MCF2L: variants seen among roughly 807,000 people sequenced by gnomAD.
MCF2L encodes the protein MCF.2 cell line derived transforming sequence like, also known as guanine nucleotide exchange factor DBS.
A neutral mutation model predicts 153.4 loss-of-function variants in MCF2L; 97 were observed. The observed-to-expected ratio is 0.63, with a 90% confidence interval of 0.54 to 0.75. The LOEUF (loss-of-function observed/expected upper bound fraction) is 0.75. Ranked by LOEUF, MCF2L falls within the 30% of genes least tolerant of loss-of-function variation. MCF2L has a pLI of 0.00. For synonymous variants in MCF2L, 659 were observed against 632.2 expected, an observed-to-expected ratio of 1.04 and a Z score of -0.64; for missense variants, 1,347 against 1,495.2, an observed-to-expected ratio of 0.90 and a Z score of 1.64.
intron 2 of MCF2L, among the ~76,000 whole-genome samples, chr13:112,913,140 G>A (rs1351328062): frequency 6.6e-6 from 1 of 150,854 alleles, no homozygotes; most frequent in Non-Finnish European, 1.5e-5. Context: ...TTGTGTGTCT[G>A]TGGTGTATTT....
chr13:113,090,867 CCCTAGAGACGG>C, intron 26 of MCF2L: 1 of 1,159,162 alleles, frequency 8.6e-7, no homozygotes, highest in South Asian at 1.7e-5. Context: ...AAGAAAACGT[CCCTAGAGACGG>C]GCCCCGAAAG....
rs539553108 is a variant in MCF2L, at chr13:112,994,613, C to T, written c.80-20150C>T. ...GGATGTGGCTGCTTGAACAGCTGGG[C>T]GCGGTGACCAATGTGTGGAGAGCCG... On this transcript the variant is annotated intron_variant, in intron 1 of 29. Transcript: ENST00000535094. Among the ~76,000 whole-genome samples, 47 of 152,344 alleles carry T rather than the reference C, an allele frequency of 3.1e-4. No individual in the cohort carries two copies. In the South Asian group the frequency reaches 3.5e-3, roughly 11 times the overall value.
chr13:113,050,928 G>A (rs1318216630), intron 4 of MCF2L, among the ~76,000 whole-genome samples: 1 of 152,076 alleles, frequency 6.6e-6, no homozygotes, highest in Non-Finnish European at 1.5e-5. Flanking sequence ...GGCTGCCGAG[G>A]GAGAGAGGGC....
chr13:112,923,352 C>T (rs1048989159), intron 2 of MCF2L, among the ~76,000 whole-genome samples: 1 of 149,900 alleles, frequency 6.7e-6, no homozygotes. Context: ...CAAGCTCCGC[C>T]TCCTGGGTTG....
At chr13:113,050,453 A>G (rs984676168) in intron 4 of MCF2L, among the ~76,000 whole-genome samples, 1 of 151,584 alleles carries the variant, frequency 6.6e-6, no homozygotes, top group African/African-American at 2.4e-5. Context: ...GCATGGGGCC[A>G]CAACTCTCTT....
chr13:113,079,863 AGGCAGAGGGGCATCCG>A (rs2033928303), intron 15 of MCF2L, among the ~76,000 whole-genome samples: 1 of 34,870 alleles, frequency 2.9e-5, no homozygotes, highest in African/African-American at 9.5e-5. Flanking sequence ...AAGAGGGTCC[AGGCAGAGGGGCATCCG>A]CACAGAGGAG....
At position 113,064,428 on chromosome 13, in the gene MCF2L, G is replaced by A. The variant is rs201466408; in HGVS notation, c.606+8G>A. 2.7e-4 allele frequency: 427 copies of A among 1,595,340 alleles called. 2 individuals are homozygous for A. Among genetic ancestry groups the A allele is most frequent in the African/African-American group, 1.0e-3 (78 of 74,754 alleles). On this transcript the variant is annotated splice_region_variant and intron_variant, in intron 6 of 29. Coordinates refer to ENST00000535094, the MANE Select transcript of MCF2L (RefSeq NM_001112732.3). The surrounding 1 kb of genome is among the most constrained non-coding windows in gnomAD (Gnocchi z 6.0). ...TGGCTGTGCCAGCGCACGGTGAGCC[G>A]CGTCGGGGCCAGCGGGGCTGGCTGA...
intron 3 of MCF2L, among the ~76,000 whole-genome samples, chr13:113,033,233 A>G (rs76807672): frequency 1.6e-4 from 17 of 105,672 alleles, no homozygotes; most frequent in South Asian, 3.3e-4. Flanking sequence ...GGCCCCCGTG[A>G]CGTGAGTGGC....
intron 1 of MCF2L, chr13:113,010,165 G>A (rs2083995358): frequency 1.1e-5 from 1 of 91,280 alleles, no homozygotes; most frequent in East Asian, 3.0e-4. Context: ...CCCGCCTCCA[G>A]TCCCCGTTCT....
intron 26 of MCF2L, chr13:113,090,362 G>T: frequency 1.0e-6 from 1 of 985,444 alleles, no homozygotes; most frequent in Non-Finnish European, 1.2e-6. Context: ...GAAAATGAAG[G>T]CGAGCTTTTC....
At chr13:113,077,664 A>G (rs1380137094) in intron 13 of MCF2L, among the ~76,000 whole-genome samples, 1 of 152,190 alleles carries the variant, frequency 6.6e-6, no homozygotes, top group Non-Finnish European at 1.5e-5. Context: ...AGGAGCCCTG[A>G]AGAGCCACGT....
Position 113,046,461 on chromosome 13 carries a change from C to T in MCF2L, c.369+1100C>T. On this transcript the variant is annotated intron_variant, in intron 4 of 29. Coordinates refer to ENST00000535094, the MANE Select transcript of MCF2L (RefSeq NM_001112732.3). The surrounding 1 kb of genome is among the most constrained non-coding windows in gnomAD (Gnocchi z 4.4). ...GTGAAGTCAGATTCTCCTGGCCTTT[C>T]CTGGGTCCCGCGTTCAGACTACCTT... is the stretch of plus-strand genomic sequence containing the variant. The T allele has an allele frequency of 2.0e-6, 1 of 492,332 alleles. No homozygotes were observed. The highest frequency in any genetic ancestry group is 1.5e-5 in the South Asian group (1 of 65,318). The allele number at this position is 492,332 out of a possible 1,614,324, so 30.5% of individuals were successfully genotyped here.
chr13:112,965,500 C>T (rs1424641164), upstream of MCF2L: 5 of 152,234 alleles, frequency 3.3e-5, no homozygotes, highest in Admixed American at 6.5e-5. Flanking sequence ...GGTGTTGTCC[C>T]GCGGGGCTCT....
intron 2 of MCF2L, among the ~76,000 whole-genome samples, chr13:112,908,839 C>A (rs953801968): frequency 6.6e-6 from 1 of 151,640 alleles, no homozygotes; most frequent in African/African-American, 2.4e-5. Context: ...CATTCTCCTG[C>A]CTCAGCCTCC....
chr13:112,973,709 C>T (rs2140850342), intron 1 of MCF2L, among the ~76,000 whole-genome samples: 1 of 152,348 alleles, frequency 6.6e-6, no homozygotes, highest in East Asian at 1.9e-4. Context: ...TCAGTTCCGG[C>T]CTGCTCTGAG....
chr13:112,996,818 T>C (rs7993665), intron 1 of MCF2L, among the ~76,000 whole-genome samples: 35,026 of 152,196 alleles, frequency 0.23, 4,314 homozygotes, highest in Middle Eastern at 0.28. Context: ...CCACGGCACC[T>C]GGACGGGGGC....
At chr13:113,080,908 G>A (rs1336305929) in intron 15 of MCF2L, among the ~76,000 whole-genome samples, 1 of 147,158 alleles carries the variant, frequency 6.8e-6, no homozygotes, top group African/African-American at 2.5e-5. Flanking sequence ...TGCACAGGTG[G>A]GACCCAAAAG....
At chr13:112,957,462 G>T (rs2081772017) in intron 2 of MCF2L, 1 of 151,334 alleles carries the variant, frequency 6.6e-6, no homozygotes, top group Non-Finnish European at 1.5e-5. Flanking sequence ...TTGGTTTGCA[G>T]ATGAGAGGCC....
At chr13:113,022,503 T>C (rs2084947273) in intron 2 of MCF2L, among the ~76,000 whole-genome samples, 1 of 151,920 alleles carries the variant, frequency 6.6e-6, no homozygotes, top group Non-Finnish European at 1.5e-5. Context: ...TCCACACACA[T>C]AGGCTTCTGG....
Sources: allele counts gnomAD v4.1 joint callset (sites outside exome capture counted in the v4.1 genomes callset), GRCh38; gene constraint gnomAD v4.1.1; non-coding constraint Gnocchi (gnomAD v3.1); transcripts MANE v1.5; gene names NCBI Gene and HGNC (gene_info 2026-07-23, HGNC 2026-07-21).